Variants in GSE1 observed in about 807,000 individuals in gnomAD.
GSE1 encodes the protein Gse1 coiled-coil protein.
A neutral mutation model predicts 112.6 loss-of-function variants in GSE1; 32 were observed. The observed-to-expected ratio is 0.28, with a 90% CI of 0.21 to 0.38. GSE1 has a LOEUF of 0.38. Among genes scored for constraint, GSE1 ranks in the 10% least tolerant of loss-of-function variants. GSE1 has a pLI of 1.00. For synonymous variants in GSE1, 1,115 were observed against 735.6 expected (o/e 1.52, Z -8.35); for missense variants, 2,348 against 1,699.2 (o/e 1.38, Z -6.71).
At position 85,666,236 on chromosome 16, in the gene GSE1, A is replaced by G. The variant is rs375028590; in HGVS notation, c.3019A>G (p.Ser1007Gly). Reference protein sequence around the residue: ...PKDIPVPLSHSTNGKSKPWEP... With the variant: ...PKDIPVPLSHGTNGKSKPWEP... ...GGACATTCCTGTGCCGCTGTCCCAC[A>G]GCACCAATGGGAAGAGCAAGCCGTG... Residue 1007 changes from serine (S) to glycine (G), a missense_variant, in exon 13 of 16, where the codon AGC becomes GGC. Physicochemically the swap from Ser to Gly is moderately conservative, Grantham distance 56 (BLOSUM62 0). Transcript: ENST00000253458. The G allele has an allele frequency of 8.7e-6, 14 of 1,613,722 alleles. No individual in the cohort carries two copies. The highest frequency in any genetic ancestry group is 2.7e-5 in the African/African-American group (2 of 74,948).
chr16:85,487,636 C>T (rs775120917), intron 2 of GSE1, among the ~76,000 whole-genome samples: 1 of 152,142 alleles, frequency 6.6e-6, no homozygotes. Flanking sequence ...GTCCCCAAGT[C>T]CAGGATGGGA....
intron 2 of GSE1, among the ~76,000 whole-genome samples, chr16:85,370,372 C>T (rs543757185): frequency 6.6e-6 from 1 of 152,180 alleles, no homozygotes; most frequent in Admixed American, 6.5e-5. Flanking sequence ...CCATGGTCCT[C>T]ACCTCTGGTC....
At chr16:85,359,766 G>T (rs889659858) in intron 2 of GSE1, among the ~76,000 whole-genome samples, 1 of 152,060 alleles carries the variant, frequency 6.6e-6, no homozygotes, top group African/African-American at 2.4e-5. Context: ...TCTGGCTCCC[G>T]CGCCGAACTC....
chr16:85,204,528 C>A (rs763091209), intron 1 of GSE1, among the ~76,000 whole-genome samples: 1 of 152,202 alleles, frequency 6.6e-6, no homozygotes, highest in Non-Finnish European at 1.5e-5. Flanking sequence ...TTTTTGAGGA[C>A]CTGCCAGGCT....
rs529516947 is a variant in GSE1, at chr16:85,618,752, C to T, written c.7+5354C>T. 1.1e-4 allele frequency among the ~76,000 whole-genome samples: 17 copies of T among 152,296 alleles called. No individual in the cohort carries two copies. In the South Asian group the frequency reaches 1.4e-3, roughly 13 times the overall value. ...AGCTCACCACAGCCTCAAACTCCTG[C>T]GCTCAAGTGATCCTGCTGCCGCAGC... On this transcript the variant is annotated intron_variant, in intron 1 of 15. Coordinates refer to ENST00000253458, the MANE Select transcript of GSE1 (RefSeq NM_014615.5).
At chr16:85,388,026 G>GAACA (rs1314133490) in intron 2 of GSE1, among the ~76,000 whole-genome samples, 1 of 150,568 alleles carries the variant, frequency 6.6e-6, no homozygotes, top group African/African-American at 2.5e-5. Flanking sequence ...ATGGATGGAT[G>GAACA]GATGGATGAA....
intron 1 of GSE1, among the ~76,000 whole-genome samples, chr16:85,324,995 T>A (rs1216912347): frequency 1.3e-5 from 2 of 152,074 alleles, no homozygotes; most frequent in Non-Finnish European, 2.9e-5. Flanking sequence ...TGAGACAAGG[T>A]CTCACTCTGT....
intron 2 of GSE1, among the ~76,000 whole-genome samples, chr16:85,414,798 C>A (rs1331910642): frequency 1.3e-5 from 2 of 151,978 alleles, no homozygotes; most frequent in African/African-American, 4.8e-5. Context: ...CCATGCCTGA[C>A]TAATTTTTTG....
At chr16:85,334,654 C>G (rs1031040427) in intron 1 of GSE1, among the ~76,000 whole-genome samples, 1 of 152,162 alleles carries the variant, frequency 6.6e-6, no homozygotes, top group Non-Finnish European at 1.5e-5. Flanking sequence ...CTATGTGTGA[C>G]CCATGGAGGG....
intron 2 of GSE1, among the ~76,000 whole-genome samples, chr16:85,367,462 G>A (rs1487004347): frequency 6.6e-6 from 1 of 152,364 alleles, no homozygotes; most frequent in Non-Finnish European, 1.5e-5. Context: ...CAAGAGGAAG[G>A]CAGATAACTC....
Position 85,510,564 on chromosome 16 carries a change from G to A in GSE1, c.2465-123350G>A, listed in dbSNP as rs1053279026. Among the ~76,000 whole-genome samples the A allele has an allele frequency of 5.3e-5, 8 of 152,224 alleles. 1 individual carries two copies. Among genetic ancestry groups the A allele is most frequent in the African/African-American group, 1.9e-4 (8 of 41,458 alleles). On this transcript the variant is annotated intron_variant, in intron 2 of 2. Coordinates refer to the GSE1 transcript ENST00000637419. ...GGCTTGGTACCTCAGCAGGGGCCGG[G>A]GCTGTTTCTGAGGCTCTCTGCTGGA...
intron 2 of GSE1, among the ~76,000 whole-genome samples, chr16:85,646,303 G>T (rs1396311344): frequency 2.0e-5 from 3 of 152,250 alleles, no homozygotes; most frequent in Non-Finnish European, 4.4e-5. Context: ...CTCCCAAGTG[G>T]GGCTTTTGCA....
chr16:85,279,141 A>G (rs1242706266), intron 1 of GSE1: 2 of 152,290 alleles, frequency 1.3e-5, no homozygotes, highest in Admixed American at 6.5e-5. Flanking sequence ...GACATAAAAT[A>G]ACGATGTGGT....
chr16:85,640,681 C>A (rs910258904), intron 2 of GSE1, among the ~76,000 whole-genome samples: 1 of 152,246 alleles, frequency 6.6e-6, no homozygotes, highest in African/African-American at 2.4e-5. Context: ...CCGGCCTGGG[C>A]GGGGGAGAGG....
At chr16:85,503,236 T>C (rs2051429238) in intron 2 of GSE1, among the ~76,000 whole-genome samples, 1 of 152,134 alleles carries the variant, frequency 6.6e-6, no homozygotes, top group Admixed American at 6.5e-5. Context: ...CGTGACTTTC[T>C]CCAGCATCCA....
At chr16:85,609,761 C>T (rs1029399142), upstream of GSE1, among the ~76,000 whole-genome samples, 1 of 152,098 alleles carries the variant, frequency 6.6e-6, no homozygotes, top group Admixed American at 6.5e-5. Flanking sequence ...CTCAAGGGAT[C>T]CTCCTACCTC....
chr16:85,449,981 C>T (rs2049628509), intron 2 of GSE1, among the ~76,000 whole-genome samples: 1 of 152,180 alleles, frequency 6.6e-6, no homozygotes, highest in Non-Finnish European at 1.5e-5. Flanking sequence ...GGCCTAGTCT[C>T]AGCCCCAGTG....
chr16:85,666,033 C>T lies in GSE1; in HGVS notation c.2816C>T (p.Ser939Phe), dbSNP rs1250901222. 1.9e-6 allele frequency: 3 copies of T among 1,613,702 alleles called. No individual in the cohort carries two copies. Among genetic ancestry groups the T allele is most frequent in the South Asian group, 2.2e-5 (2 of 91,078 alleles). The change falls in exon 13 of 16, where the codon TCC (serine) becomes TTC (phenylalanine). Residue 939 changes from serine to phenylalanine, a missense_variant. Physicochemically the swap from Ser to Phe is radical, Grantham distance 155. Coordinates refer to ENST00000253458, the MANE Select transcript of GSE1 (RefSeq NM_014615.5). Reference protein sequence around the residue: ...DVEKPVGVAASLSDIPKAAEP... With the variant: ...DVEKPVGVAAFLSDIPKAAEP... The stretch of plus-strand genomic sequence containing the variant: ...GAGAAGCCGGTTGGTGTTGCTGCTT[C>T]CTTGTCTGACATCCCAAAGGCCGCG...
At chr16:85,272,113 A>AT (rs757979399) in intron 1 of GSE1, among the ~76,000 whole-genome samples, 10 of 152,190 alleles carry the variant, frequency 6.6e-5, no homozygotes, top group Non-Finnish European at 1.3e-4. Context: ...CATCGTCACC[A>AT]TGCGGCCGCC....
Sources: allele counts gnomAD v4.1 joint callset (sites outside exome capture counted in the v4.1 genomes callset), GRCh38; gene constraint gnomAD v4.1.1; transcripts MANE v1.5; gene names NCBI Gene and HGNC (gene_info 2026-07-23, HGNC 2026-07-21).